IFT122: variants seen among roughly 807,000 people sequenced by gnomAD.
The protein encoded by IFT122 is intraflagellar transport 122.
In IFT122, 118 loss-of-function variants were observed where a neutral mutation model predicts 161.6. The observed-to-expected ratio is 0.73, with a 90% CI of 0.63 to 0.85. IFT122 has a LOEUF of 0.85. Among genes scored for constraint, IFT122 ranks in the 40% least tolerant of loss-of-function variants. IFT122 has a pLI of 0.00. For synonymous variants in IFT122, 550 were observed against 602.4 expected (o/e 0.91, Z 1.27); for missense variants, 1,381 against 1,579.6 (o/e 0.87, Z 2.13).
intron 18 of IFT122, among the ~76,000 whole-genome samples, chr3:129,497,741 G>GC (rs1457192811): frequency 6.6e-6 from 1 of 152,156 alleles, no homozygotes; most frequent in African/African-American, 2.4e-5. Context: ...AATCCCCCCT[G>GC]CCCCCACCTG....
intron 3 of IFT122, among the ~76,000 whole-genome samples, chr3:129,454,106 A>T (rs1381322968): frequency 6.6e-6 from 1 of 152,212 alleles, no homozygotes; most frequent in Non-Finnish European, 1.5e-5. Context: ...TGATAATCAG[A>T]TGGAAGCTTT....
At chr3:129,512,786 C>T (rs1178993422) in intron 24 of IFT122, 3 of 345,560 alleles carry the variant, frequency 8.7e-6, no homozygotes, top group East Asian at 7.5e-5. Flanking sequence ...TTTGTTCAGC[C>T]CAGGTATACA....
In IFT122 at chr3:129,461,320, T is replaced by C; in HGVS notation, c.349+16T>C. On this transcript the variant is annotated intron_variant, in intron 5 of 29. Coordinates refer to ENST00000348417, the MANE Select transcript of IFT122 (RefSeq NM_052989.3). ...AGTGACTTTGGTACGTTCTGATTCC[T>C]GATGTCCTGTCCTGGAATAACTGAA... The C allele has an allele frequency of 6.3e-7, 1 of 1,576,716 alleles. No individual in the cohort carries two copies. Among genetic ancestry groups the C allele is most frequent in the Non-Finnish European group, 8.7e-7 (1 of 1,145,866 alleles).
chr3:129,493,662 G>A (rs2108464208), intron 17 of IFT122, among the ~76,000 whole-genome samples: 2 of 152,276 alleles, frequency 1.3e-5, no homozygotes, highest in Admixed American at 1.3e-4. Flanking sequence ...GTATATTCTG[G>A]GGTTTACCTA....
intron 8 of IFT122, 128 bp downstream of exon 8, chr3:129,467,194 GCCTTC>G: frequency 1.2e-6 from 1 of 821,920 alleles, no homozygotes; most frequent in South Asian, 1.6e-5. Context: ...GGGTGAAAGC[GCCTTC>G]AAAAAAAGGA....
At chr3:129,452,157 G>A (rs752995189) in intron 3 of IFT122, 159 bp downstream of exon 3, 97 of 648,048 alleles carry the variant, frequency 1.5e-4, no homozygotes, top group Non-Finnish European at 2.0e-4. Context: ...ATTCAATCTA[G>A]CAAGTATTTA....
intron 4 of IFT122, chr3:129,459,353 G>T: frequency 2.3e-6 from 1 of 441,520 alleles, no homozygotes; most frequent in Non-Finnish European, 4.5e-6. Context: ...GCAGTGGCAC[G>T]ATCTCGGCTC....
At chr3:129,463,006 A>G (rs971258685) in intron 5 of IFT122, 2 of 153,914 alleles carry the variant, frequency 1.3e-5, no homozygotes, top group African/African-American at 4.8e-5. Context: ...CATTTCTTTG[A>G]GAGTCAAATC....
chr3:129,512,297 T>A lies in IFT122; in HGVS notation c.2887-15T>A. The A allele has an allele frequency of 6.3e-7, 1 of 1,596,546 alleles. No homozygotes were observed. Among genetic ancestry groups the A allele is most frequent in the Non-Finnish European group, 8.6e-7 (1 of 1,163,904 alleles). ...TTGAAGAACTCAATCCCTGTTTGCT[T>A]TTCTCTCACTGCAGGAAGATCCGTT... On this transcript the variant is annotated splice_polypyrimidine_tract_variant and intron_variant, in intron 23 of 29. Transcript: ENST00000348417.
At chr3:129,502,203 A>G (rs1206696171) in intron 19 of IFT122, among the ~76,000 whole-genome samples, 5 of 152,182 alleles carry the variant, frequency 3.3e-5, no homozygotes, top group African/African-American at 1.2e-4. Flanking sequence ...CTTCCTTTAG[A>G]GGGCAGTCAT....
chr3:129,459,271 T>TA (rs1559862846), intron 4 of IFT122: 2 of 453,084 alleles, frequency 4.4e-6, no homozygotes, highest in Admixed American at 4.7e-5. Context: ...TAAGAACAGA[T>TA]ACTGCATCTA....
intron 9 of IFT122, among the ~76,000 whole-genome samples, chr3:129,475,316 G>T (rs181290625): frequency 5.3e-5 from 8 of 152,264 alleles, no homozygotes; most frequent in African/African-American, 1.9e-4. Context: ...CACTTGAAAA[G>T]TGTAGCAGTT....
At chr3:129,462,654 C>T (rs371834870) in intron 5 of IFT122, among the ~76,000 whole-genome samples, 19 of 152,330 alleles carry the variant, frequency 1.2e-4, no homozygotes, top group African/African-American at 4.3e-4. Context: ...CGTTCTGGAC[C>T]AGGGGAAAGG....
intron 4 of IFT122, chr3:129,459,539 T>A (rs1190377449): frequency 4.3e-6 from 1 of 232,666 alleles, no homozygotes; most frequent in Non-Finnish European, 8.7e-6. Context: ...ATTTTTTTTT[T>A]CTCACTCTTG....
chr3:129,502,940 G>A lies in IFT122; in HGVS notation c.2547+58G>A, dbSNP rs553627683. On this transcript the variant is annotated intron_variant, in intron 20 of 29. Transcript: ENST00000348417. ...CCCACCTGAGCCCTGGGACACAGGCGGGTGGGTACAGGGGCCCTTTGGGGT... is the reference window on the plus strand; with the variant it reads ...CCCACCTGAGCCCTGGGACACAGGCAGGTGGGTACAGGGGCCCTTTGGGGT... The A allele has an allele frequency of 1.3e-5, 20 of 1,568,618 alleles. No individual in the cohort carries two copies. In the African/African-American group the frequency reaches 1.9e-4, roughly 15 times the overall value.
intron 1 of IFT122, among the ~76,000 whole-genome samples, chr3:129,449,125 G>A (rs2074417895): frequency 1.3e-5 from 2 of 152,080 alleles, no homozygotes; most frequent in South Asian, 2.1e-4. Flanking sequence ...TTCACTATCT[G>A]GCTAAATAAT....
chr3:129,461,480 G>T (rs1043930294), intron 5 of IFT122, 176 bp downstream of exon 5: 6 of 665,568 alleles, frequency 9.0e-6, no homozygotes, highest in South Asian at 8.2e-5. Context: ...AACCAAGACA[G>T]TGAATGGTGA....
intron 12 of IFT122, 147 bp from the exon 13 acceptor site, chr3:129,479,638 G>A (rs1225965510): frequency 1.0e-5 from 10 of 972,360 alleles, no homozygotes; most frequent in Non-Finnish European, 1.6e-5. Flanking sequence ...GATTAACGAT[G>A]CCAATCGTGG....
At chr3:129,516,899 A>G (rs2083878331) in intron 26 of IFT122, among the ~76,000 whole-genome samples, 4 of 142,478 alleles carry the variant, frequency 2.8e-5, no homozygotes, top group Admixed American at 2.8e-4. Context: ...CTGCACACAG[A>G]CACACAGAGA....
Sources: allele counts gnomAD v4.1 joint callset (sites outside exome capture counted in the v4.1 genomes callset), GRCh38; gene constraint gnomAD v4.1.1; transcripts MANE v1.5; gene names NCBI Gene and HGNC (gene_info 2026-07-23, HGNC 2026-07-21).